The following RHBG variants were observed in gnomAD, a reference collection of about 807,000 sequenced individuals.
RHBG encodes the protein Rh family B glycoprotein.
RHBG carries 39 observed loss-of-function variants against 40.1 expected under a neutral mutation model. The ratio of observed to expected loss-of-function variants is 0.97; its 90% CI spans 0.75 to 1.27. The LOEUF (loss-of-function observed/expected upper bound fraction) is 1.27, where lower values mean the gene tolerates loss of function less well. Among genes scored for constraint, RHBG ranks in the 50% most tolerant of loss-of-function variants. The pLI is 0.00. For synonymous variants in RHBG, 237 were observed against 252.5 expected, an observed-to-expected ratio of 0.94 and a Z score of 0.58; for missense variants, 549 against 588.1, an observed-to-expected ratio of 0.93 and a Z score of 0.69.
At chr1:156,375,750 T>TC (rs1667147014) in intron 1 of RHBG, among the ~76,000 whole-genome samples, 1 of 152,004 alleles carries the variant, frequency 6.6e-6, no homozygotes, top group East Asian at 1.9e-4. Flanking sequence ...CTTTTTCTTT[T>TC]TTTTTTTTGA....
At position 156,377,221 on chromosome 1, in the gene RHBG, C is replaced by T. The variant is rs1667266642; in HGVS notation, c.188-80C>T. On this transcript the variant is annotated intron_variant, in intron 1 of 9. Transcript: ENST00000537040. This position sits in a 1 kb window ranked among gnomAD's most constrained non-coding sequence, Gnocchi z 4.6. ...AGCCCTGGCTGGTGAGAGCCAGGGG[C>T]ACTGGCAGGGTAGCTGACTGGATTG... 3.4e-6 allele frequency: 5 copies of T among 1,466,910 alleles called. No homozygotes were observed. The highest frequency in any genetic ancestry group is 3.6e-4 in the Middle Eastern group (2 of 5,532). The allele number at this position is 1,466,910 out of a possible 1,614,324, so 90.9% of individuals were successfully genotyped here. A position where few individuals can be genotyped will look rare whatever the true frequency, so the allele number is the denominator to read the frequency against.
intron 1 of RHBG, chr1:156,371,812 G>A (rs1027527837): frequency 6.6e-6 from 1 of 152,360 alleles, no homozygotes; most frequent in African/African-American, 2.4e-5. Context: ...AGCTTTCCCT[G>A]GAGTCCAGCC....
At chr1:156,375,295 A>G (rs1347137120) in intron 1 of RHBG, among the ~76,000 whole-genome samples, 2 of 151,104 alleles carry the variant, frequency 1.3e-5, no homozygotes, top group Non-Finnish European at 3.0e-5. Flanking sequence ...CTGGTCTTGA[A>G]CTCTTGACCT....
At chr1:156,375,365 GC>G (rs1195233782) in intron 1 of RHBG, among the ~76,000 whole-genome samples, 1 of 151,214 alleles carries the variant, frequency 6.6e-6, no homozygotes, top group African/African-American at 2.4e-5. Context: ...GAGCCACTGC[GC>G]CCAGCCTCAG....
intron 9 of RHBG, 62 bp downstream of exon 9, chr1:156,384,662 C>T: frequency 6.5e-7 from 1 of 1,541,054 alleles, no homozygotes; most frequent in East Asian, 2.3e-5. Context: ...CCTCCTGTGG[C>T]CCAAGTTGCC....
Position 156,369,318 on chromosome 1 carries a change from G to C in RHBG, c.69G>C (p.Gln23His). Residue 23 changes from glutamine to histidine, a missense_variant, in exon 1 of 10, where the codon CAG becomes CAC. Transcript: ENST00000537040. ...TTCCCCTGCTGTGCCTCTTCCTCCAGGGCGCCACTGCCGTCCTCTTTGCTG... is the reference window on the plus strand; with the variant it reads ...TTCCCCTGCTGTGCCTCTTCCTCCACGGCGCCACTGCCGTCCTCTTTGCTG... ...LQLPLLCLFL[Q>H]GATAVLFAVF... The C allele has an allele frequency of 6.2e-7, 1 of 1,614,218 alleles. No individual in the cohort carries two copies. Among genetic ancestry groups the C allele is most frequent in the South Asian group, 1.1e-5 (1 of 91,086 alleles).
rs41266157 is a variant in RHBG, at chr1:156,384,907, G to A, written c.*62G>A. The A allele has an allele frequency of 8.8e-7, 1 of 1,139,210 alleles. No homozygotes were observed. The highest frequency in any genetic ancestry group is 1.4e-5 in the South Asian group (1 of 73,286). The allele number at this position is 1,139,210 out of a possible 1,614,324, so 70.6% of individuals were successfully genotyped here. The stretch of plus-strand genomic sequence containing the variant: ...GAAGATGCTGACTGGCTGCTACTAG[G>A]AAGTTCTTTTTGAGCTCCCATTCCT... On this transcript the variant is annotated 3_prime_UTR_variant, in exon 10 of 10. Coordinates refer to ENST00000537040, the MANE Select transcript of RHBG (RefSeq NM_020407.5).
At chr1:156,380,112 C>CTTTTTTT (rs67037881) in intron 4 of RHBG, among the ~76,000 whole-genome samples, 7 of 130,132 alleles carry the variant, frequency 5.4e-5, no homozygotes, top group Non-Finnish European at 6.4e-5. Context: ...CTTTCTTTTT[C>CTTTTTTT]TTTTTTTTTT....
At chr1:156,370,392 T>C (rs1666754871) in intron 1 of RHBG, among the ~76,000 whole-genome samples, 1 of 150,454 alleles carries the variant, frequency 6.6e-6, no homozygotes, top group Non-Finnish European at 1.5e-5. Flanking sequence ...GAGGTTGTAG[T>C]GAGTCAGGAT....
chr1:156,369,364 A>G lies in RHBG; in HGVS notation c.115A>G (p.Lys39Glu). 1 of 1,614,160 alleles carries G rather than the reference A, an allele frequency of 6.2e-7. No homozygotes were observed. The highest frequency in any genetic ancestry group is 8.5e-7 in the Non-Finnish European group (1 of 1,180,024). The change falls in exon 1 of 10, where the codon AAA (lysine) becomes GAA (glutamate). Residue 39 changes from lysine to glutamate, a missense_variant. By Grantham distance (56) the Lys-to-Glu change is moderately conservative. Transcript: ENST00000537040. ...LFAVFVRYNH[K>E]TDAALWHRSN... ...TGCTGTCTTTGTCCGCTACAACCAC[A>G]AAACCGACGCTGCCCTCTGGCACCG...
intron 1 of RHBG, among the ~76,000 whole-genome samples, chr1:156,372,676 C>G (rs1666933023): frequency 6.6e-6 from 1 of 152,180 alleles, no homozygotes; most frequent in Non-Finnish European, 1.5e-5. Context: ...AGATGGCCCC[C>G]TCAGCTCCCC....
At chr1:156,373,855 G>A (rs1259460372) in intron 1 of RHBG, among the ~76,000 whole-genome samples, 2 of 152,182 alleles carry the variant, frequency 1.3e-5, no homozygotes, top group African/African-American at 4.8e-5. Context: ...GCCAGGCAGT[G>A]AGGCTAAAAG....
intron 1 of RHBG, among the ~76,000 whole-genome samples, chr1:156,370,141 C>T (rs1666740979): frequency 1.3e-5 from 2 of 151,970 alleles, no homozygotes; most frequent in African/African-American, 4.8e-5. Flanking sequence ...GGTGAAACCC[C>T]ATCTTTATTA....
rs761669228 is a variant in RHBG, at chr1:156,382,215, C to T, written c.1112+14C>T. On this transcript the variant is annotated intron_variant, in intron 7 of 9. Transcript: ENST00000537040. ...TTACGGAGATGGGTGAGTTTCCTCC[C>T]AACCCGTACTGCAGTCGTCATCCAT... 13 of 1,613,984 alleles carry T rather than the reference C, an allele frequency of 8.1e-6. No homozygotes were observed. The highest frequency in any genetic ancestry group is 1.1e-5 in the South Asian group (1 of 91,078).
At position 156,381,511 on chromosome 1, in the gene RHBG, A is replaced by G; in HGVS notation, c.838A>G (p.Met280Val). Residue 280 changes from methionine (M) to valine (V), a missense_variant and splice_region_variant, in exon 5 of 10, where the codon ATG becomes GTG. By Grantham distance (21) the Met-to-Val change is conservative (BLOSUM62 1). Around this residue, in one of 3 missense-constraint regions of RHBG, gnomAD observed 399 missense variants for 417.0 expected, o/e 0.96. Transcript: ENST00000537040. ...TGTAGGGGAAGATGGGAGGCTTGAC[A>G]TGGTATGGGGAAGAGGACTTCAGAG... Reference protein sequence around the residue: ...ALVGEDGRLDMVHIQNAALAG... With the variant: ...ALVGEDGRLDVVHIQNAALAG... The G allele has an allele frequency of 1.2e-6, 2 of 1,608,014 alleles. No individual in the cohort carries two copies. The highest frequency in any genetic ancestry group is 2.2e-5 in the East Asian group (1 of 44,820).
chr1:156,381,621 CA>C lies in RHBG; in HGVS notation c.840+109del, dbSNP rs1667644722. On this transcript the variant is annotated intron_variant, in intron 5 of 9. Coordinates refer to ENST00000537040, the MANE Select transcript of RHBG (RefSeq NM_020407.5). The stretch of plus-strand genomic sequence containing the variant: ...CCCGGGGAACAGATAAGGGCACAGG[CA>C]TAGGGGCTCCATCTGTGCTGGTGGC... The C allele has an allele frequency of 2.8e-6, 4 of 1,407,692 alleles. No individual in the cohort carries two copies. In the East Asian group the frequency reaches 9.2e-5, roughly 32 times the overall value. 87.2% of individuals were successfully genotyped at this position (1,407,692 alleles called of 1,614,324 possible).
chr1:156,378,514 C>T lies in RHBG; in HGVS notation c.673+115C>T, dbSNP rs1667393699. 1.6e-5 allele frequency: 21 copies of T among 1,277,448 alleles called. No individual in the cohort carries two copies. In the South Asian group the frequency reaches 3.1e-4, roughly 19 times the overall value. 79.1% of individuals were successfully genotyped at this position (1,277,448 alleles called of 1,614,324 possible). On this transcript the variant is annotated intron_variant, in intron 4 of 9. Transcript: ENST00000537040. ...GCAGTCCTGGGGTTGTGGGCATTCA[C>T]TTCCCATTTGGATTCTGCTGTGAGA...
chr1:156,383,089 A>G (rs1353253979), intron 8 of RHBG, among the ~76,000 whole-genome samples: 2 of 152,146 alleles, frequency 1.3e-5, no homozygotes, highest in Admixed American at 1.3e-4. Flanking sequence ...GCGAGGGGTG[A>G]GCGAGGCCCT....
rs745501887 is a variant in RHBG, at chr1:156,381,465, C to T, written c.792C>T (p.Gly264=). The change falls in exon 5 of 10, where the codon GGC becomes GGT. Residue 264 remains glycine, a synonymous_variant. Coordinates refer to ENST00000537040, the MANE Select transcript of RHBG (RefSeq NM_020407.5). ...TYYSLAASTL[G]TFALSALVGE... ...ACTCCCTGGCTGCCAGCACCCTTGG[C>T]ACCTTTGCCTTGTCAGCCCTTGTAG... The T allele has an allele frequency of 6.8e-6, 11 of 1,613,880 alleles. No homozygotes were observed. The South Asian group carries it at 1.2e-4, about 18-fold the overall frequency.
Sources: gnomAD v4.1 joint callset for allele counts (sites outside exome capture counted in the v4.1 genomes callset) on GRCh38, gnomAD v4.1.1 for gene constraint, gnomAD v4.1.1 regional missense constraint, Gnocchi (gnomAD v3.1) non-coding constraint, MANE v1.5 for transcripts, NCBI Gene and HGNC (gene_info 2026-07-23, HGNC 2026-07-21) for gene names.